Variants in MAGI2 observed in about 807,000 individuals in gnomAD.
MAGI2 encodes membrane associated guanylate kinase, WW and PDZ domain containing 2, also known as membrane-associated guanylate kinase, WW and PDZ domain-containing protein 2.
MAGI2 carries 35 observed loss-of-function variants against 133.3 expected under a neutral mutation model. The observed-to-expected ratio is 0.26, with a 90% CI of 0.20 to 0.35. The LOEUF (loss-of-function observed/expected upper bound fraction) is 0.35. Ranked by LOEUF, MAGI2 falls within the 10% of genes least tolerant of loss-of-function variation. The pLI, the probability that MAGI2 is intolerant of heterozygous loss-of-function variation, is 1.00. For synonymous variants in MAGI2, 729 were observed against 710.6 expected, an observed-to-expected ratio of 1.03 and a Z score of -0.41; for missense variants, 1,636 against 1,863.4, an observed-to-expected ratio of 0.88 and a Z score of 2.25.
At chr7:78,464,002 TG>T (rs1298533372) in intron 6 of MAGI2, among the ~76,000 whole-genome samples, 2 of 152,088 alleles carry the variant, frequency 1.3e-5, no homozygotes, top group African/African-American at 2.4e-5. Flanking sequence ...ATATGTAAAA[TG>T]GGAATTGTTG....
intron 6 of MAGI2, among the ~76,000 whole-genome samples, chr7:78,375,759 T>C (rs1794390394): frequency 6.8e-6 from 1 of 147,718 alleles, no homozygotes; most frequent in Non-Finnish European, 1.5e-5. Context: ...TTTTGCTATA[T>C]ACTTGTATAC....
At chr7:79,142,139 A>T (rs780683094) in intron 1 of MAGI2, among the ~76,000 whole-genome samples, 4 of 152,194 alleles carry the variant, frequency 2.6e-5, no homozygotes, top group Non-Finnish European at 5.9e-5. Context: ...GGCTATAATT[A>T]CAGGCAATAT....
intron 1 of MAGI2, among the ~76,000 whole-genome samples, chr7:79,283,718 C>G (rs1484581313): frequency 1.3e-5 from 2 of 152,064 alleles, no homozygotes; most frequent in African/African-American, 4.8e-5. Context: ...ATGGAACTAC[C>G]TAATTTTGCA....
chr7:78,529,668 G>GTTTTTTTTTTTT lies in MAGI2; in HGVS notation c.539-8035_539-8024dup, dbSNP rs554010061. On this transcript the variant is annotated intron_variant, in intron 3 of 21. Coordinates refer to ENST00000354212, the MANE Select transcript of MAGI2 (RefSeq NM_012301.4). ...TTTCTTTTCCTTGCTAAAGGAGATG[G>GTTTTTTTTTTTT]TTTTTTTTTTTTTTTTTTTTTTTTT... Among the ~76,000 whole-genome samples the GTTTTTTTTTTTT allele has an allele frequency of 3.0e-3, 170 of 57,412 alleles. 32 individuals carry two copies. The highest frequency in any genetic ancestry group is 5.6e-3 in the African/African-American group (102 of 18,078). The allele number at this position is 57,412 out of a possible 152,430, so 37.7% of individuals were successfully genotyped here. A position where few individuals can be genotyped will look rare whatever the true frequency, so the allele number is the denominator to read the frequency against.
chr7:78,279,641 T>C (rs1319711357), intron 9 of MAGI2, among the ~76,000 whole-genome samples: 1 of 152,116 alleles, frequency 6.6e-6, no homozygotes, highest in African/African-American at 2.4e-5. Flanking sequence ...TTAAGGAGAC[T>C]AACCCATGTT....
At chr7:78,825,917 T>C (rs1454619849) in intron 2 of MAGI2, among the ~76,000 whole-genome samples, 1 of 152,172 alleles carries the variant, frequency 6.6e-6, no homozygotes, top group Non-Finnish European at 1.5e-5. Flanking sequence ...GTTTTATTTA[T>C]AATAATCCAA....
intron 10 of MAGI2, among the ~76,000 whole-genome samples, chr7:78,232,556 C>A (rs533574539): frequency 2.6e-5 from 4 of 152,224 alleles, no homozygotes; most frequent in Non-Finnish European, 5.9e-5. Flanking sequence ...ATCTAGCACT[C>A]CATTTACAAT....
chr7:78,964,640 A>C (rs148126556), intron 2 of MAGI2, among the ~76,000 whole-genome samples: 43 of 152,176 alleles, frequency 2.8e-4, no homozygotes, highest in African/African-American at 8.7e-4. Flanking sequence ...AATATTATTC[A>C]CACATGCAAC....
chr7:78,387,123 G>T (rs1011086832), intron 6 of MAGI2, among the ~76,000 whole-genome samples: 1 of 152,128 alleles, frequency 6.6e-6, no homozygotes, highest in Non-Finnish European at 1.5e-5. Flanking sequence ...ACTTCCTTGG[G>T]TGTGGCTTTT....
intron 3 of MAGI2, among the ~76,000 whole-genome samples, chr7:78,530,303 G>GCC (rs1797355877): frequency 6.6e-6 from 1 of 152,154 alleles, no homozygotes; most frequent in East Asian, 1.9e-4. Context: ...TAAGCATCTA[G>GCC]CAGATGTACA....
intron 2 of MAGI2, among the ~76,000 whole-genome samples, chr7:78,811,310 CACTT>C (rs1407316298): frequency 6.6e-6 from 1 of 151,872 alleles, no homozygotes; most frequent in Admixed American, 6.6e-5. Context: ...TAATTTATAA[CACTT>C]AGAGGACCTA....
intron 7 of MAGI2, chr7:78,350,574 C>A (rs1791400390): frequency 6.6e-6 from 1 of 152,178 alleles, no homozygotes; most frequent in African/African-American, 2.4e-5. Flanking sequence ...TATGTGGCCT[C>A]AGGGAGGATT....
In MAGI2 at chr7:79,437,065, G is replaced by A. The variant is rs189746047; in HGVS notation, c.301+15955C>T. 5.9e-5 allele frequency among the ~76,000 whole-genome samples: 9 copies of A among 152,174 alleles called. No homozygotes were observed. The East Asian group carries it at 9.6e-4, about 16-fold the overall frequency. ...TCTGCAGCAACATGGATGCATGGAC[G>A]CCATTATCCTAAGAAAATTAATGCA... On this transcript the variant is annotated intron_variant, in intron 1 of 21. Coordinates refer to ENST00000354212, the MANE Select transcript of MAGI2 (RefSeq NM_012301.4).
intron 20 of MAGI2, among the ~76,000 whole-genome samples, chr7:78,108,127 CTT>C (rs1216019559): frequency 6.6e-6 from 1 of 152,000 alleles, no homozygotes; most frequent in Non-Finnish European, 1.5e-5. Flanking sequence ...AAACTTTCCT[CTT>C]AATATTGTTT....
chr7:78,365,171 C>T (rs773946318), intron 7 of MAGI2, among the ~76,000 whole-genome samples: 5 of 150,798 alleles, frequency 3.3e-5, no homozygotes, highest in Non-Finnish European at 5.9e-5. Context: ...TCCAGGGCTA[C>T]TCCAAAGTGG....
chr7:79,121,268 C>G (rs563114226), intron 1 of MAGI2, among the ~76,000 whole-genome samples: 6 of 152,236 alleles, frequency 3.9e-5, no homozygotes, highest in African/African-American at 1.4e-4. Flanking sequence ...TTAATTATGA[C>G]TTCAAAAGCA....
At chr7:79,040,969 A>G (rs940059042) in intron 1 of MAGI2, among the ~76,000 whole-genome samples, 1 of 152,218 alleles carries the variant, frequency 6.6e-6, no homozygotes, top group Non-Finnish European at 1.5e-5. Flanking sequence ...TAGATTATAT[A>G]TTTCAAAATA....
intron 1 of MAGI2, among the ~76,000 whole-genome samples, chr7:79,449,882 A>ACATT (rs1162033614): frequency 3.5e-5 from 5 of 141,066 alleles, no homozygotes; most frequent in Admixed American, 3.5e-4. Context: ...ATATACATAT[A>ACATT]TATATATATA....
chr7:79,363,308 C>T (rs898568160), intron 1 of MAGI2, among the ~76,000 whole-genome samples: 2 of 147,740 alleles, frequency 1.4e-5, no homozygotes, highest in African/African-American at 2.5e-5. Flanking sequence ...TTCCAATACA[C>T]GAACAGAGTA....
Sources: gnomAD v4.1 joint callset for allele counts (sites outside exome capture counted in the v4.1 genomes callset) on GRCh38, gnomAD v4.1.1 for gene constraint, MANE v1.5 for transcripts, NCBI Gene and HGNC (gene_info 2026-07-23, HGNC 2026-07-21) for gene names.